NUP155: variants seen among roughly 807,000 people sequenced by gnomAD.
The protein encoded by NUP155 is nucleoporin 155.
NUP155 carries 71 observed loss-of-function variants against 180.4 expected under a neutral mutation model. That is an observed-to-expected ratio of 0.39 (90% CI 0.33 to 0.48). NUP155 has a LOEUF of 0.48. NUP155 is among the 20% of genes least tolerant of loss of function. The probability of loss-of-function intolerance (pLI) is 0.91; values close to 1 mark genes in which losing one functional copy is unlikely to be tolerated. For synonymous variants in NUP155, 582 were observed against 559.5 expected, an observed-to-expected ratio of 1.04 and a Z score of -0.57; for missense variants, 1,553 against 1,648.9, an observed-to-expected ratio of 0.94 and a Z score of 1.01.
chr5:37,323,199 T>A (rs566712130), intron 20 of NUP155, among the ~76,000 whole-genome samples: 9,491 of 151,828 alleles, frequency 0.063, 944 homozygotes, highest in African/African-American at 0.21. Context: ...GCAGGAGAAT[T>A]GCTTGAACCT....
chr5:37,330,052 A>C lies in NUP155; in HGVS notation c.1710T>G (p.Thr570=). ...ACDREVSAWA[T]RAFFRYGGEA... ...CTTTCACATACCTAAAGAAAGCCCGAGTAGCCCAGGCAGATACTTCTCTAT... is the reference window on the plus strand; with the variant it reads ...CTTTCACATACCTAAAGAAAGCCCGCGTAGCCCAGGCAGATACTTCTCTAT... Residue 570 remains threonine, a synonymous_variant, in exon 15 of 35, where the codon ACT becomes ACG. Transcript: ENST00000231498. 1.2e-6 allele frequency: 2 copies of C among 1,613,008 alleles called. No homozygotes were observed. Among genetic ancestry groups the C allele is most frequent in the Non-Finnish European group, 1.7e-6 (2 of 1,179,146 alleles).
chr5:37,300,936 G>A (rs1742830712), intron 30 of NUP155: 1 of 169,448 alleles, frequency 5.9e-6, no homozygotes, highest in African/African-American at 2.4e-5. Context: ...CAATTCTCCT[G>A]CCTCAGCCTC....
At chr5:37,311,781 A>G (rs1412933531) in intron 22 of NUP155, among the ~76,000 whole-genome samples, 1 of 151,852 alleles carries the variant, frequency 6.6e-6, no homozygotes, top group Non-Finnish European at 1.5e-5. Context: ...GCACTTTGGG[A>G]GGCCAAGGCA....
rs557177083 is a variant in NUP155, at chr5:37,327,800, A to G, written c.1877-24T>C. On this transcript the variant is annotated intron_variant, in intron 17 of 34. Coordinates refer to ENST00000231498, the MANE Select transcript of NUP155 (RefSeq NM_153485.3). ...ACCTTGTACACACATAAGAAAAACA[A>G]ATCTCTTAATCTTAATCTTAGAACC... is the stretch of plus-strand genomic sequence containing the variant. The G allele has an allele frequency of 1.1e-4, 179 of 1,611,528 alleles. 1 individual carries two copies. The South Asian group carries it at 1.8e-3, about 16-fold the overall frequency.
At chr5:37,296,509 A>T (rs1561765128) in intron 32 of NUP155, among the ~76,000 whole-genome samples, 1 of 151,872 alleles carries the variant, frequency 6.6e-6, no homozygotes, top group Non-Finnish European at 1.5e-5. Context: ...AAGAGTCATC[A>T]CCACTCCCTA....
In NUP155 at chr5:37,307,440, GAAAGA is replaced by G; in HGVS notation, c.2768-13_2768-9del. 1 of 1,613,718 alleles carries G rather than the reference GAAAGA, an allele frequency of 6.2e-7. No homozygotes were observed. Among genetic ancestry groups the G allele is most frequent in the Non-Finnish European group, 8.5e-7 (1 of 1,179,836 alleles). On this transcript the variant is annotated splice_polypyrimidine_tract_variant and intron_variant, in intron 24 of 34. Coordinates refer to ENST00000231498, the MANE Select transcript of NUP155 (RefSeq NM_153485.3). ...CACCCTCATAAAATCTCACTGATGG[GAAAGA>G]AAAGAATGAAGACCTATGACTTACT... is the stretch of plus-strand genomic sequence containing the variant.
intron 3 of NUP155, among the ~76,000 whole-genome samples, chr5:37,359,009 C>T (rs901276561): frequency 5.5e-5 from 8 of 145,366 alleles, no homozygotes; most frequent in South Asian, 2.1e-4. Context: ...AACGAGACTC[C>T]GTCTCAAAAA....
At chr5:37,302,026 G>A (rs936647134) in intron 29 of NUP155, among the ~76,000 whole-genome samples, 2 of 152,186 alleles carry the variant, frequency 1.3e-5, no homozygotes, top group East Asian at 3.8e-4. Context: ...ACGGAGGAAA[G>A]CCAGCTGCCA....
At chr5:37,305,313 G>T in intron 25 of NUP155, 103 bp from the exon 26 acceptor site, 1 of 1,006,442 alleles carries the variant, frequency 9.9e-7, no homozygotes, top group Non-Finnish European at 1.5e-6. Context: ...GGGAAGTCAA[G>T]GTAGGAGGAC....
rs747779941 is a variant in NUP155 at position 37,305,076 on chromosome 5, T to C, written c.3038A>G (p.Asn1013Ser). 6.2e-6 allele frequency: 10 copies of C among 1,613,584 alleles called. No individual in the cohort carries two copies. In the East Asian group the frequency reaches 1.3e-4, roughly 22 times the overall value. Residue 1013 changes from asparagine (N) to serine (S), a missense_variant, in exon 26 of 35, where the codon AAT becomes AGT. Transcript: ENST00000231498. The part of the protein sequence containing the change: ...VLSSDPNMLS[N>S]EEAGHHFEQM... ...CCTTACATGATGTCCTGCTTCTTCA[T>C]TACTCAGCATATTTGGATCAGATGA...
intron 5 of NUP155, among the ~76,000 whole-genome samples, chr5:37,351,700 C>T (rs1395819622): frequency 4.6e-5 from 7 of 151,516 alleles, no homozygotes; most frequent in East Asian, 1.9e-4. Flanking sequence ...CCGCCTGCCT[C>T]GGCCTCCCAG....
At chr5:37,361,994 A>G (rs1747252892) in intron 3 of NUP155, among the ~76,000 whole-genome samples, 1 of 152,198 alleles carries the variant, frequency 6.6e-6, no homozygotes, top group Non-Finnish European at 1.5e-5. Context: ...GACAGAGTGA[A>G]AAGATAGCCA....
chr5:37,364,698 A>G (rs217850), intron 1 of NUP155, among the ~76,000 whole-genome samples: 146,875 of 151,188 alleles, frequency 0.97, 71,493 homozygotes, highest in East Asian at 1. Flanking sequence ...GTGCAGTGGC[A>G]CAATCTCGGC....
At chr5:37,322,600 G>C (rs550454388) in intron 20 of NUP155, among the ~76,000 whole-genome samples, 1 of 150,750 alleles carries the variant, frequency 6.6e-6, no homozygotes, top group Non-Finnish European at 1.5e-5. Flanking sequence ...CCAGCTACTC[G>C]GGAGGCTGAG....
Position 37,341,098 on chromosome 5 carries a change from T to A in NUP155, c.1238A>T (p.Tyr413Phe). 1 of 1,611,472 alleles carries A rather than the reference T, an allele frequency of 6.2e-7. No homozygotes were observed. The highest frequency in any genetic ancestry group is 8.5e-7 in the Non-Finnish European group (1 of 1,177,626). The change falls in exon 11 of 35, where the codon TAT (tyrosine) becomes TTT (phenylalanine). Residue 413 changes from tyrosine (Y) to phenylalanine (F), a missense_variant. Physicochemically the swap from Tyr to Phe is conservative, Grantham distance 22. Coordinates refer to ENST00000231498, the MANE Select transcript of NUP155 (RefSeq NM_153485.3). ...EKPSKVHRAL[Y>F]SKGILLMAAS... Reference sequence around the variant, plus strand: ...AGTATTTCAGAACTTACCTTTACTATAAAGAGCTCTATGTACTTTTGAAGG... The same window carrying A: ...AGTATTTCAGAACTTACCTTTACTAAAAAGAGCTCTATGTACTTTTGAAGG...
rs567773493 is a variant in NUP155, at chr5:37,291,795, T to TA, written c.*104dup. The stretch of plus-strand genomic sequence containing the variant: ...TAGCCACTTATTAAAAACATATTTC[T>TA]ATTAAGATTGTTCTTACATTCTTAG... On this transcript the variant is annotated 3_prime_UTR_variant, in exon 35 of 35. Coordinates refer to ENST00000231498, the MANE Select transcript of NUP155 (RefSeq NM_153485.3). The TA allele has an allele frequency of 2.0e-4, 207 of 1,035,388 alleles. No individual in the cohort carries two copies. The African/African-American group carries it at 3.1e-3, about 16-fold the overall frequency. The allele number at this position is 1,035,388 out of a possible 1,614,324, so 64.1% of individuals were successfully genotyped here.
rs1327782569 is a variant in NUP155, at chr5:37,307,334, C to G, written c.2866G>C (p.Glu956Gln). 2 of 1,614,106 alleles carry G rather than the reference C, an allele frequency of 1.2e-6. No individual in the cohort carries two copies. Among genetic ancestry groups the G allele is most frequent in the Non-Finnish European group, 1.7e-6 (2 of 1,179,996 alleles). ...GCCTGAAGTCCAACTATGTCTTCTT[C>G]TGGTTCTCCATGTTTATAGAAATGA... is the stretch of plus-strand genomic sequence containing the variant. The part of the protein sequence containing the change: ...GLHFYKHGEP[E>Q]EDIVGLQAFQ... Residue 956 changes from glutamate (E) to glutamine (Q), a missense_variant, in exon 25 of 35, where the codon GAA (glutamate) becomes CAA (glutamine). By Grantham distance (29) the Glu-to-Gln change is conservative (BLOSUM62 2). Transcript: ENST00000231498.
At chr5:37,364,519 C>A in intron 1 of NUP155, 135 bp from the exon 2 acceptor site, 1 of 755,246 alleles carries the variant, frequency 1.3e-6, no homozygotes, top group Non-Finnish European at 2.3e-6. Context: ...TTTGACCCAA[C>A]ACAAAGTAGT....
intron 10 of NUP155, 183 bp downstream of exon 10, chr5:37,342,366 A>T: frequency 1.8e-6 from 1 of 548,116 alleles, no homozygotes; most frequent in South Asian, 2.2e-5. Flanking sequence ...TTTTATATCT[A>T]TAAAATGAAG....
Sources: allele counts gnomAD v4.1 joint callset (sites outside exome capture counted in the v4.1 genomes callset), GRCh38; gene constraint gnomAD v4.1.1; transcripts MANE v1.5; gene names NCBI Gene and HGNC (gene_info 2026-07-23, HGNC 2026-07-21).